The following PHC3 variants were observed in gnomAD, a reference collection of about 807,000 sequenced individuals.
The protein encoded by PHC3 is polyhomeotic homolog 3, also known as polyhomeotic-like protein 3.
PHC3 carries 13 observed loss-of-function variants against 107.4 expected under a neutral mutation model. That is an observed-to-expected ratio of 0.12 (90% CI 0.08 to 0.19). PHC3 has a LOEUF of 0.19. Among genes scored for constraint, PHC3 ranks in the 10% least tolerant of loss-of-function variants. The pLI is 1.00. For synonymous variants in PHC3, 456 were observed against 427.4 expected (o/e 1.07, Z -0.83); for missense variants, 992 against 1,210.9 (o/e 0.82, Z 2.68).
intron 6 of PHC3, among the ~76,000 whole-genome samples, chr3:170,143,514 CAGA>C (rs897980940): frequency 5.9e-5 from 9 of 151,762 alleles, no homozygotes; most frequent in Non-Finnish European, 1.0e-4. Context: ...TATTTTTTAC[CAGA>C]AGATTGAGAA....
Position 170,135,139 on chromosome 3 carries a change from T to TTTTG in PHC3, c.919+1276_919+1279dup, listed in dbSNP as rs370687749. On this transcript the variant is annotated intron_variant, in intron 7 of 14. Transcript: ENST00000495893. ...TGAGGTTGCTGGAACAAAGGAAGTT[T>TTTTG]TTTGTTTGTTTGTTTGTTTGTTTGT... is the stretch of plus-strand genomic sequence containing the variant. 2.6e-3 allele frequency among the ~76,000 whole-genome samples: 395 copies of TTTTG among 151,998 alleles called. 1 individual carries two copies. The highest frequency in any genetic ancestry group is 4.6e-3 in the Admixed American group (70 of 15,250).
intron 4 of PHC3, among the ~76,000 whole-genome samples, chr3:170,157,459 A>G (rs2108645769): frequency 6.6e-6 from 1 of 152,374 alleles, no homozygotes. Context: ...AAAATGCAGT[A>G]AAGCTGCTTG....
chr3:170,087,846 AT>A lies in PHC3; in HGVS notation c.*9383del, dbSNP rs1713646170. 1 of 152,186 alleles carries A rather than the reference AT, an allele frequency of 6.6e-6. No individual in the cohort carries two copies. The highest frequency in any genetic ancestry group is 2.4e-5 in the African/African-American group (1 of 41,452). 9.4% of individuals were successfully genotyped at this position (152,186 alleles called of 1,614,324 possible). ...CCATCAACAAACATTTAAATGCTCA[AT>A]TTACTTCACTGAATACAGACACAAC... On this transcript the variant is annotated 3_prime_UTR_variant, in exon 15 of 15. Transcript: ENST00000495893.
intron 9 of PHC3, among the ~76,000 whole-genome samples, chr3:170,119,036 T>TAAAAAAAAAAAAAAAAAAAAAA (rs1002478959): frequency 1.7e-4 from 12 of 72,646 alleles, no homozygotes; most frequent in East Asian, 7.0e-4. Flanking sequence ...TATAAAAAGC[T>TAAAAAAAAAAAAAAAAAAAAAA]AAAAAAAAAA....
chr3:170,109,257 C>T (rs993730891), intron 11 of PHC3, among the ~76,000 whole-genome samples: 4 of 152,100 alleles, frequency 2.6e-5, no homozygotes, highest in Admixed American at 6.6e-5. Flanking sequence ...AACATGGCCA[C>T]CCAGATTAAA....
rs773618934 is a variant in PHC3 at position 170,117,474 on chromosome 3, G to C, written c.1945C>G (p.Gln649Glu). The C allele has an allele frequency of 9.5e-6, 15 of 1,586,446 alleles. No homozygotes were observed. The highest frequency in any genetic ancestry group is 2.6e-6 in the Non-Finnish European group (3 of 1,169,250). The change falls in exon 10 of 15, where the codon CAA becomes GAA. Residue 649 changes from glutamine to glutamate, a missense_variant and splice_region_variant. Physicochemically the swap from Gln to Glu is conservative, Grantham distance 29 (BLOSUM62 2). This residue lies in a region of PHC3 where 543 missense variants were observed against 590.8 expected (regional missense o/e 0.92). Transcript: ENST00000495893. ...GATGCCACAGCAGGTAATTCCACTTGCTCTGAAAAAAAAACCAAAAAGTCA... is the reference window on the plus strand; with the variant it reads ...GATGCCACAGCAGGTAATTCCACTTCCTCTGAAAAAAAAACCAAAAAGTCA... ...DLTSEHPLLE[Q>E]VELPAVASVS... is the part of the protein sequence containing the mutation.
chr3:170,155,844 G>C (rs1399009906), intron 4 of PHC3, among the ~76,000 whole-genome samples: 2 of 152,102 alleles, frequency 1.3e-5, no homozygotes, highest in East Asian at 1.9e-4. Flanking sequence ...CTACCTGTGA[G>C]AACAGTCACC....
chr3:170,153,591 A>G (rs894501412), intron 4 of PHC3, among the ~76,000 whole-genome samples: 1 of 151,946 alleles, frequency 6.6e-6, no homozygotes, highest in Non-Finnish European at 1.5e-5. Context: ...GTGAAACCCC[A>G]TCTCTACTAA....
At position 170,097,317 on chromosome 3, in the gene PHC3, T is replaced by C. The variant is rs1204705472; in HGVS notation, c.2901A>G (p.Lys967=). The C allele has an allele frequency of 5.6e-6, 9 of 1,613,542 alleles. No individual in the cohort carries two copies. Among genetic ancestry groups the C allele is most frequent in the African/African-American group, 5.3e-5 (4 of 74,888 alleles). The change falls in exon 15 of 15, where the codon AAA becomes AAG. Residue 967 remains lysine (K), a synonymous_variant. Transcript: ENST00000495893. This position sits in a 1 kb window ranked among gnomAD's most constrained non-coding sequence, Gnocchi z 4.1. ...EIDGQALLLL[K]EDHLMSAMNI... ...TCATTGCACTCATGAGATGGTCTTC[T>C]TTCAGCAAGAGAAGGGCCTGTCCAT... is the stretch of plus-strand genomic sequence containing the variant.
At chr3:170,107,542 G>C (rs367775830) in intron 11 of PHC3, among the ~76,000 whole-genome samples, 1 of 152,192 alleles carries the variant, frequency 6.6e-6, no homozygotes, top group East Asian at 1.9e-4. Context: ...CAAGGAGTTT[G>C]AGACCAGTGT....
At chr3:170,175,143 G>C (rs1354476528) in intron 2 of PHC3, among the ~76,000 whole-genome samples, 1 of 152,088 alleles carries the variant, frequency 6.6e-6, no homozygotes, top group Non-Finnish European at 1.5e-5. Flanking sequence ...TCCCAGGACA[G>C]AAAAAGCAAG....
chr3:170,151,967 T>C (rs1211719040), intron 4 of PHC3, among the ~76,000 whole-genome samples: 1 of 152,112 alleles, frequency 6.6e-6, no homozygotes, highest in African/African-American at 2.4e-5. Flanking sequence ...TCCTATGATT[T>C]ATAGGAATTT....
At position 170,113,526 on chromosome 3, in the gene PHC3, A is replaced by T. The variant is rs1484663779; in HGVS notation, c.2194-7T>A. ...GCAAAGAGGAACGACTCACCTTTAA[A>T]AAAGGAGAAATAATAAAATGAAACA... On this transcript the variant is annotated splice_polypyrimidine_tract_variant and splice_region_variant and intron_variant, in intron 10 of 14. Transcript: ENST00000495893. 10 of 1,581,712 alleles carry T rather than the reference A, an allele frequency of 6.3e-6. No individual in the cohort carries two copies. Among genetic ancestry groups the T allele is most frequent in the Non-Finnish European group, 8.6e-6 (10 of 1,168,256 alleles).
intron 4 of PHC3, among the ~76,000 whole-genome samples, chr3:170,161,130 T>C (rs1399357966): frequency 6.6e-6 from 1 of 152,218 alleles, no homozygotes; most frequent in Non-Finnish European, 1.5e-5. Flanking sequence ...TTATAACACA[T>C]ACAAACTATT....
intron 6 of PHC3, among the ~76,000 whole-genome samples, chr3:170,137,091 C>G (rs541706354): frequency 6.2e-4 from 95 of 152,052 alleles, no homozygotes; most frequent in Non-Finnish European, 1.2e-3. Context: ...TTAAAAGTTA[C>G]CAGTTCTAGC....
At position 170,093,123 on chromosome 3, in the gene PHC3, C is replaced by T. The variant is rs1051224681; in HGVS notation, c.*4107G>A. 2 of 152,170 alleles carry T rather than the reference C, an allele frequency of 1.3e-5. No homozygotes were observed. The highest frequency in any genetic ancestry group is 4.8e-5 in the African/African-American group (2 of 41,424). The allele number at this position is 152,170 out of a possible 1,614,324, so 9.4% of individuals were successfully genotyped here. A position where few individuals can be genotyped will look rare whatever the true frequency, so the allele number is the denominator to read the frequency against. On this transcript the variant is annotated 3_prime_UTR_variant, in exon 15 of 15. Coordinates refer to ENST00000495893, the MANE Select transcript of PHC3 (RefSeq NM_024947.4). The stretch of plus-strand genomic sequence containing the variant: ...GTACACAAGATAGAGATTGAGCAAT[C>T]ATTTTGCATAGATGCGCCAGTTTCC...
Position 170,117,304 on chromosome 3 carries a change from T to G in PHC3, c.2115A>C (p.Pro705=), listed in dbSNP as rs772624647. Reference sequence around the variant, plus strand: ...GGATCTGTGGTTTAACAATAGCCTGTGGAGGTTTGTTCTCTATACTGGGAA... The same window carrying G: ...GGATCTGTGGTTTAACAATAGCCTGGGGAGGTTTGTTCTCTATACTGGGAA... ...SSIPSIENKP[P]QAIVKPQILT... The change falls in exon 10 of 15, where the codon CCA becomes CCC. Residue 705 remains proline (P), a synonymous_variant. Coordinates refer to ENST00000495893, the MANE Select transcript of PHC3 (RefSeq NM_024947.4). 9 of 1,613,842 alleles carry G rather than the reference T, an allele frequency of 5.6e-6. 1 individual carries two copies. In the South Asian group the frequency reaches 9.9e-5, roughly 18 times the overall value.
At chr3:170,110,387 G>T (rs944941545) in intron 11 of PHC3, among the ~76,000 whole-genome samples, 1 of 151,970 alleles carries the variant, frequency 6.6e-6, no homozygotes, top group Non-Finnish European at 1.5e-5. Flanking sequence ...GCCCTCTCTC[G>T]AAGTTACCTA....
chr3:170,123,757 C>T (rs976575542), intron 8 of PHC3, among the ~76,000 whole-genome samples: 1 of 151,850 alleles, frequency 6.6e-6, no homozygotes, highest in Non-Finnish European at 1.5e-5. Flanking sequence ...CAGGCCATTG[C>T]ACTCCAGCCT....
Sources: allele counts gnomAD v4.1 joint callset (sites outside exome capture counted in the v4.1 genomes callset), GRCh38; gene constraint gnomAD v4.1.1; regional missense constraint gnomAD v4.1.1; non-coding constraint Gnocchi (gnomAD v3.1); transcripts MANE v1.5; gene names NCBI Gene and HGNC (gene_info 2026-07-23, HGNC 2026-07-21).